DLC1: variants seen among roughly 807,000 people sequenced by gnomAD.
DLC1 encodes rho GTPase-activating protein 7.
DLC1 carries 54 observed loss-of-function variants against 140.3 expected under a neutral mutation model. The observed-to-expected ratio is 0.38, with a 90% CI of 0.31 to 0.48. The LOEUF (loss-of-function observed/expected upper bound fraction) is 0.48, where lower values mean the gene tolerates loss of function less well. Ranked by LOEUF, DLC1 falls within the 20% of genes least tolerant of loss-of-function variation. The probability of loss-of-function intolerance (pLI) is 0.96; values close to 1 mark genes in which losing one functional copy is unlikely to be tolerated. For synonymous variants in DLC1, 986 were observed against 728.1 expected, an observed-to-expected ratio of 1.35 and a Z score of -5.70; for missense variants, 2,536 against 1,907.0, an observed-to-expected ratio of 1.33 and a Z score of -6.14.
At chr8:13,493,757 G>T (rs550558011) in intron 2 of DLC1, among the ~76,000 whole-genome samples, 129 of 151,884 alleles carry the variant, frequency 8.5e-4, no homozygotes, top group Non-Finnish European at 1.7e-3. Flanking sequence ...CTCCTACTTT[G>T]GTTCATTCCA....
At chr8:13,134,269 C>T (rs959104243) in intron 5 of DLC1, among the ~76,000 whole-genome samples, 1 of 152,166 alleles carries the variant, frequency 6.6e-6, no homozygotes, top group Non-Finnish European at 1.5e-5. Flanking sequence ...ATGTTTTTGC[C>T]TGCTATCTCT....
intron 1 of DLC1, among the ~76,000 whole-genome samples, chr8:13,587,077 TACACACAC>T (rs3066501): frequency 5.6e-5 from 8 of 142,806 alleles, no homozygotes; most frequent in South Asian, 2.3e-4. Flanking sequence ...GAAAATAGTT[TACACACAC>T]ACACACACAC....
intron 16 of DLC1, among the ~76,000 whole-genome samples, chr8:13,086,754 T>C (rs1817599209): frequency 6.6e-6 from 1 of 152,210 alleles, no homozygotes; most frequent in Non-Finnish European, 1.5e-5. Flanking sequence ...CTGGGTTCCA[T>C]GGCTCACGCC....
intron 5 of DLC1, among the ~76,000 whole-genome samples, chr8:13,197,398 G>T (rs1353541435): frequency 6.6e-6 from 1 of 151,694 alleles, no homozygotes; most frequent in Non-Finnish European, 1.5e-5. Flanking sequence ...GCCCAGGCTG[G>T]AGTGCAGTGG....
chr8:13,142,993 A>C (rs1029220215), intron 5 of DLC1, among the ~76,000 whole-genome samples: 2 of 151,508 alleles, frequency 1.3e-5, no homozygotes, highest in Admixed American at 6.6e-5. Context: ...CGGTGAGCCA[A>C]GATTGTGCCG....
intron 2 of DLC1, among the ~76,000 whole-genome samples, chr8:13,493,260 T>C (rs1801346721): frequency 6.6e-6 from 1 of 152,242 alleles, no homozygotes; most frequent in Non-Finnish European, 1.5e-5. Context: ...TTTACATTCC[T>C]TCCCTCCTTG....
At chr8:13,464,538 A>G (rs1799832759) in intron 2 of DLC1, among the ~76,000 whole-genome samples, 1 of 151,864 alleles carries the variant, frequency 6.6e-6, no homozygotes, top group Non-Finnish European at 1.5e-5. Context: ...TATGTCCCAT[A>G]TATGTAAATT....
intron 2 of DLC1, among the ~76,000 whole-genome samples, chr8:13,457,657 A>G (rs1414420441): frequency 7.1e-6 from 1 of 139,958 alleles, no homozygotes; most frequent in Non-Finnish European, 1.5e-5. Context: ...AGCCTGGGTG[A>G]CAGAGCAAGA....
At chr8:13,566,666 A>T (rs1258840105) in intron 1 of DLC1, among the ~76,000 whole-genome samples, 1 of 152,228 alleles carries the variant, frequency 6.6e-6, no homozygotes, top group African/African-American at 2.4e-5. Context: ...AGAGTTTGCA[A>T]GGTTTTCCCG....
chr8:13,323,245 C>T (rs1009593701), intron 4 of DLC1, among the ~76,000 whole-genome samples: 1 of 152,088 alleles, frequency 6.6e-6, no homozygotes, highest in African/African-American at 2.4e-5. Flanking sequence ...AATGCATTTG[C>T]CTATATATTT....
At chr8:13,432,994 C>T (rs1838955976) in intron 2 of DLC1, among the ~76,000 whole-genome samples, 2 of 118,736 alleles carry the variant, frequency 1.7e-5, no homozygotes, top group Admixed American at 1.1e-4. Flanking sequence ...GAGAGAGAAT[C>T]TAACTTGTAA....
intron 2 of DLC1, among the ~76,000 whole-genome samples, chr8:13,461,479 T>C (rs114359477): frequency 0.031 from 4,710 of 152,262 alleles, 235 homozygotes; most frequent in African/African-American, 0.1. Context: ...CCTCTGCCTT[T>C]AGGTGATAAA....
chr8:13,202,655 C>G (rs1352963725), intron 5 of DLC1, among the ~76,000 whole-genome samples: 2 of 151,974 alleles, frequency 1.3e-5, no homozygotes, highest in Non-Finnish European at 2.9e-5. Flanking sequence ...AAGTTCCCCC[C>G]ACCTTTAATT....
chr8:13,366,207 C>T (rs1053804672), intron 4 of DLC1, among the ~76,000 whole-genome samples: 1 of 152,202 alleles, frequency 6.6e-6, no homozygotes, highest in Non-Finnish European at 1.5e-5. Flanking sequence ...GCTGAAGGGG[C>T]AGTGAAAATA....
intron 1 of DLC1, among the ~76,000 whole-genome samples, chr8:13,543,290 C>T (rs1803546893): frequency 6.6e-6 from 1 of 152,056 alleles, no homozygotes; most frequent in South Asian, 2.1e-4. Context: ...GAAGTAGTGC[C>T]TTGTGCTAGA....
chr8:13,161,388 G>C (rs1204735087), intron 5 of DLC1, among the ~76,000 whole-genome samples: 2 of 152,100 alleles, frequency 1.3e-5, no homozygotes, highest in Non-Finnish European at 2.9e-5. Context: ...CTCAGGCTGA[G>C]TGTAGTGGCA....
chr8:13,166,250 C>T (rs576840591), intron 5 of DLC1, among the ~76,000 whole-genome samples: 1 of 152,332 alleles, frequency 6.6e-6, no homozygotes, highest in South Asian at 2.1e-4. Context: ...GTTGCTCCTG[C>T]CATTACCCTA....
chr8:13,191,697 G>A (rs1826764630), intron 5 of DLC1, among the ~76,000 whole-genome samples: 1 of 151,956 alleles, frequency 6.6e-6, no homozygotes, highest in Non-Finnish European at 1.5e-5. Context: ...TAAATCTATG[G>A]GACAAACCAC....
chr8:13,491,934 G>A (rs537039351), intron 2 of DLC1, among the ~76,000 whole-genome samples: 4 of 152,244 alleles, frequency 2.6e-5, no homozygotes, highest in Non-Finnish European at 2.9e-5. Flanking sequence ...TAAGCACTGC[G>A]GACACAAGGT....
Sources: gnomAD v4.1 joint callset for allele counts (sites outside exome capture counted in the v4.1 genomes callset) on GRCh38, gnomAD v4.1.1 for gene constraint, MANE v1.5 for transcripts, NCBI Gene and HGNC (gene_info 2026-07-23, HGNC 2026-07-21) for gene names.